PCDHGB3: variants seen among roughly 807,000 people sequenced by gnomAD.
PCDHGB3 encodes the protein protocadherin gamma-B3.
PCDHGB3 carries 40 observed loss-of-function variants against 59.2 expected under a neutral mutation model. The ratio of observed to expected loss-of-function variants is 0.68; its 90% CI spans 0.52 to 0.88. The LOEUF is 0.88. PCDHGB3 is among the 40% of genes least tolerant of loss of function. The probability of loss-of-function intolerance (pLI) is 0.00; values close to 1 mark genes in which losing one functional copy is unlikely to be tolerated. For synonymous variants in PCDHGB3, 581 were observed against 503.6 expected, an observed-to-expected ratio of 1.15 and a Z score of -2.06; for missense variants, 1,309 against 1,187.9, an observed-to-expected ratio of 1.10 and a Z score of -1.50.
rs2099615088 is a variant in PCDHGB3, at chr5:141,485,526, G to A, written c.2416-9281G>A. On this transcript the variant is annotated intron_variant, in intron 1 of 3. Coordinates refer to ENST00000576222, the MANE Select transcript of PCDHGB3 (RefSeq NM_018924.5). The surrounding 1 kb of genome is among the most constrained non-coding windows in gnomAD (Gnocchi z 5.7). Reference sequence around the variant, plus strand: ...ACCGAAGGTCCTTTGGAAATGTACCGAGCAGAGGTAGAGATCGTAGATGTG... The same window carrying A: ...ACCGAAGGTCCTTTGGAAATGTACCAAGCAGAGGTAGAGATCGTAGATGTG... 6.2e-7 allele frequency: 1 copy of A among 1,614,154 alleles called. No individual in the cohort carries two copies. The highest frequency in any genetic ancestry group is 2.2e-5 in the East Asian group (1 of 44,880).
chr5:141,403,263 T>A, intron 1 of PCDHGB3: 1 of 1,613,872 alleles, frequency 6.2e-7, no homozygotes, highest in East Asian at 2.2e-5. Flanking sequence ...CGGTGTCTGG[T>A]GAACTTTAAA....
chr5:141,372,625 G>T lies in PCDHGB3; in HGVS notation c.2231G>T (p.Ser744Ile). ...KTVPGVLPTYSERTLPYSYNP... is the reference protein window; with the variant it reads ...KTVPGVLPTYIERTLPYSYNP... ...GTACCTGGAGTTCTCCCCACCTACA[G>T]CGAAAGGACTTTGCCTTATTCCTAC... The change falls in exon 1 of 4, where the codon AGC becomes ATC. Residue 744 changes from serine (S) to isoleucine (I), a missense_variant. Ser to Ile is a moderately radical substitution (Grantham distance 142, BLOSUM62 -2). Coordinates refer to ENST00000576222, the MANE Select transcript of PCDHGB3 (RefSeq NM_018924.5). 1 of 1,614,000 alleles carries T rather than the reference G, an allele frequency of 6.2e-7. No individual in the cohort carries two copies. The highest frequency in any genetic ancestry group is 8.5e-7 in the Non-Finnish European group (1 of 1,179,884).
intron 1 of PCDHGB3, chr5:141,440,921 G>C (rs1213425379): frequency 6.6e-6 from 1 of 152,260 alleles, no homozygotes; most frequent in Non-Finnish European, 1.5e-5. Context: ...TGTGCTGAGA[G>C]TGAGGGCCAC....
At chr5:141,478,526 G>A (rs1402123535) in intron 1 of PCDHGB3, 1 of 1,609,906 alleles carries the variant, frequency 6.2e-7, no homozygotes, top group Admixed American at 1.7e-5. Context: ...GTTGGGTGCA[G>A]AGAGCGCCCC....
At position 141,394,666 on chromosome 5, in the gene PCDHGB3, C is replaced by T. The variant is rs1175831509; in HGVS notation, c.2415+21857C>T. 1.2e-6 allele frequency: 2 copies of T among 1,613,190 alleles called. No homozygotes were observed. ...AAGGCCAGCGAGCCGGGACTCTTCT[C>T]GGTGGGTCTGCACACGGGCGAGGTG... On this transcript the variant is annotated intron_variant, in intron 1 of 3. Transcript: ENST00000576222.
In PCDHGB3 at chr5:141,372,028, A is replaced by G. The variant is rs1367060313; in HGVS notation, c.1634A>G (p.Asn545Ser). ...CAGGGCTCGCCTACGCTCAGCGCCA[A>G]CGTGAGCCTGCGCGTGTTGGTGGAC... ...RDQGSPTLSA[N>S]VSLRVLVDDR... is the part of the protein sequence containing the mutation. The change falls in exon 1 of 4, where the codon AAC (asparagine) becomes AGC (serine). Residue 545 changes from asparagine to serine, a missense_variant. Physicochemically the swap from Asn to Ser is conservative, Grantham distance 46 (BLOSUM62 1). Transcript: ENST00000576222. 1.2e-6 allele frequency: 2 copies of G among 1,613,362 alleles called. No homozygotes were observed. The highest frequency in any genetic ancestry group is 1.1e-5 in the South Asian group (1 of 91,074).
chr5:141,430,919 C>T, intron 1 of PCDHGB3: 1 of 1,607,610 alleles, frequency 6.2e-7, no homozygotes, highest in Non-Finnish European at 8.5e-7. Context: ...GGACCTGGGG[C>T]TGGAGCCCCG....
At chr5:141,404,041 A>G in intron 1 of PCDHGB3, 1 of 1,613,936 alleles carries the variant, frequency 6.2e-7, no homozygotes, top group Non-Finnish European at 8.5e-7. Context: ...CACCTCAGGG[A>G]ACAGTAATTC....
chr5:141,380,542 T>A lies in PCDHGB3; in HGVS notation c.2415+7733T>A, dbSNP rs182715146. 2.0e-5 allele frequency among the ~76,000 whole-genome samples: 3 copies of A among 152,362 alleles called. No individual in the cohort carries two copies. The East Asian group carries it at 5.8e-4, about 29-fold the overall frequency. On this transcript the variant is annotated intron_variant, in intron 1 of 3. Transcript: ENST00000576222. ...ATGAAATGATTTCAATTTGATACAA[T>A]GAGCTTATGTTAGATTTTATTAAAC...
At position 141,398,098 on chromosome 5, in the gene PCDHGB3, C is replaced by T. The variant is rs770737294; in HGVS notation, c.2415+25289C>T. 2.5e-6 allele frequency: 4 copies of T among 1,596,954 alleles called. No homozygotes were observed. In the South Asian group the frequency reaches 4.5e-5, roughly 18 times the overall value. ...TTATTTGTAACCTGGCGTCTCCAGGCTGGTGAGCAAGCTGAGGAGAGCAAG... is the reference window on the plus strand; with the variant it reads ...TTATTTGTAACCTGGCGTCTCCAGGTTGGTGAGCAAGCTGAGGAGAGCAAG... On this transcript the variant is annotated intron_variant, in intron 1 of 3. Transcript: ENST00000576222.
chr5:141,405,677 C>T (rs1204978047), intron 1 of PCDHGB3, among the ~76,000 whole-genome samples: 3 of 152,088 alleles, frequency 2.0e-5, no homozygotes, highest in African/African-American at 7.2e-5. Context: ...GGGGTGTCAC[C>T]ATGTTGGCCA....
At chr5:141,474,920 C>A (rs1363277892) in intron 1 of PCDHGB3, among the ~76,000 whole-genome samples, 2 of 152,232 alleles carry the variant, frequency 1.3e-5, no homozygotes, top group Admixed American at 6.5e-5. Context: ...TACATCTCAT[C>A]TCTGGCTTAT....
chr5:141,374,787 T>C, intron 1 of PCDHGB3: 1 of 1,613,904 alleles, frequency 6.2e-7, no homozygotes, highest in Non-Finnish European at 8.5e-7. Flanking sequence ...GTTCTAGATG[T>C]GAATGACAAC....
intron 1 of PCDHGB3, chr5:141,405,207 C>A (rs767001796): frequency 6.2e-7 from 1 of 1,613,292 alleles, no homozygotes; most frequent in Non-Finnish European, 8.5e-7. Flanking sequence ...TTCCTACAGA[C>A]CTATTCTCAG....
chr5:141,417,760 C>A, intron 1 of PCDHGB3: 1 of 1,438,808 alleles, frequency 7.0e-7, no homozygotes, highest in South Asian at 1.5e-5. Context: ...GCTCCGAGAC[C>A]CGGGACTCCT....
At chr5:141,482,530 C>CAAAAAA (rs3074545) in intron 1 of PCDHGB3, among the ~76,000 whole-genome samples, 68 of 76,370 alleles carry the variant, frequency 8.9e-4, no homozygotes, top group African/African-American at 1.2e-3. Context: ...GACAGACATG[C>CAAAAAA]AAAAAAAAAA....
intron 1 of PCDHGB3, among the ~76,000 whole-genome samples, chr5:141,482,800 G>C (rs10052648): frequency 0.023 from 2,992 of 130,874 alleles, 96 homozygotes; most frequent in African/African-American, 0.087. Context: ...GGCCGGGTAC[G>C]GTGGCTCATG....
rs867175585 is a variant in PCDHGB3, at chr5:141,376,626, G to A, written c.2415+3817G>A. 71 of 1,155,548 alleles carry A rather than the reference G, an allele frequency of 6.1e-5. 4 individuals carry two copies. In the Middle Eastern group the frequency reaches 4.6e-3, roughly 75 times the overall value. 71.6% of individuals were successfully genotyped at this position (1,155,548 alleles called of 1,614,324 possible). A position where few individuals can be genotyped will look rare whatever the true frequency, so the allele number is the denominator to read the frequency against. Reference sequence around the variant, plus strand: ...AAGCGAACCTCTTTTGGTACAGGAAGATTCGTGATTTTGTAAAGTGGAAGA... The same window carrying A: ...AAGCGAACCTCTTTTGGTACAGGAAAATTCGTGATTTTGTAAAGTGGAAGA... On this transcript the variant is annotated intron_variant, in intron 1 of 3. Transcript: ENST00000576222.
intron 1 of PCDHGB3, among the ~76,000 whole-genome samples, chr5:141,429,890 C>A (rs2097251428): frequency 6.6e-6 from 1 of 152,112 alleles, no homozygotes; most frequent in African/African-American, 2.4e-5. Context: ...GTTTCCTGAA[C>A]AATAAATATT....
Sources: allele counts gnomAD v4.1 joint callset (sites outside exome capture counted in the v4.1 genomes callset), GRCh38; gene constraint gnomAD v4.1.1; non-coding constraint Gnocchi (gnomAD v3.1); transcripts MANE v1.5; gene names NCBI Gene and HGNC (gene_info 2026-07-23, HGNC 2026-07-21).